Variants in CFAP57 observed in about 807,000 individuals in gnomAD.
The protein encoded by CFAP57 is cilia- and flagella-associated protein 57.
In CFAP57, 116 loss-of-function variants were observed where a neutral mutation model predicts 146.8. That is an observed-to-expected ratio of 0.79 (90% CI 0.68 to 0.92). The LOEUF (loss-of-function observed/expected upper bound fraction) is 0.92. Ranked by LOEUF, CFAP57 falls within the 40% of genes least tolerant of loss-of-function variation. The pLI is 0.00. For missense variants in CFAP57, 1,377 were observed against 1,527.2 expected, an observed-to-expected ratio of 0.90 and a Z score of 1.64; for synonymous variants, 518 against 552.8, an observed-to-expected ratio of 0.94 and a Z score of 0.88.
Position 43,210,420 on chromosome 1 carries a change from A to G in CFAP57, c.1929+504A>G, listed in dbSNP as rs150859229. 6.3e-5 allele frequency: 75 copies of G among 1,182,558 alleles called. No homozygotes were observed. In the East Asian group the frequency reaches 3.0e-3, roughly 47 times the overall value. 73.3% of individuals were successfully genotyped at this position (1,182,558 alleles called of 1,614,324 possible). A position where few individuals can be genotyped will look rare whatever the true frequency, so the allele number is the denominator to read the frequency against. On this transcript the variant is annotated intron_variant, in intron 11 of 22. Transcript: ENST00000372492. Reference sequence around the variant, plus strand: ...GTTCAACAGTCAAAATGTGGAAGCAACCAAGCATCCATCGACAGACGAATG... The same window carrying G: ...GTTCAACAGTCAAAATGTGGAAGCAGCCAAGCATCCATCGACAGACGAATG...
intron 18 of CFAP57, among the ~76,000 whole-genome samples, chr1:43,231,195 A>C (rs1472148882): frequency 6.6e-6 from 1 of 152,178 alleles, no homozygotes; most frequent in African/African-American, 2.4e-5. Context: ...TGCTTCCAGT[A>C]ATGAGGAAAA....
chr1:43,246,921 T>C (rs1017471469), intron 22 of CFAP57, among the ~76,000 whole-genome samples: 4 of 152,208 alleles, frequency 2.6e-5, no homozygotes, highest in Non-Finnish European at 5.9e-5. Context: ...GAAATTCTAA[T>C]CAATATAATT....
intron 9 of CFAP57, among the ~76,000 whole-genome samples, chr1:43,200,191 A>T (rs975838891): frequency 1.3e-5 from 2 of 152,204 alleles, no homozygotes; most frequent in Non-Finnish European, 2.9e-5. Context: ...ATGGATTCAA[A>T]TGATTTTAGA....
At chr1:43,225,254 G>A (rs1303012554) in intron 17 of CFAP57, among the ~76,000 whole-genome samples, 1 of 152,126 alleles carries the variant, frequency 6.6e-6, no homozygotes. Context: ...GTGCAATGCT[G>A]CCACTCTCCT....
In CFAP57 at chr1:43,201,625, C is replaced by CT. The variant is rs558063307; in HGVS notation, c.1542+2129dup. Among the ~76,000 whole-genome samples the CT allele has an allele frequency of 2.2e-3, 335 of 151,822 alleles. 1 individual carries two copies. Among genetic ancestry groups the CT allele is most frequent in the African/African-American group, 7.5e-3 (309 of 41,428 alleles). On this transcript the variant is annotated intron_variant, in intron 9 of 22. Transcript: ENST00000372492. This position sits in a 1 kb window ranked among gnomAD's most constrained non-coding sequence, Gnocchi z 4.4. ...CTCAGCCTCCCAAGTAACACAAACT[C>CT]TTTTTTTGAGACAGAGTTTCGCTTT...
intron 9 of CFAP57, among the ~76,000 whole-genome samples, chr1:43,203,384 T>C (rs2367190): frequency 0.18 from 27,281 of 151,778 alleles, 3,550 homozygotes; most frequent in African/African-American, 0.34. Flanking sequence ...CCAAAATAAT[T>C]GTGATACCAA....
In CFAP57 at chr1:43,198,517, A is replaced by T. The variant is rs902166450; in HGVS notation, c.1299A>T (p.Ala433=). 6.2e-7 allele frequency: 1 copy of T among 1,614,048 alleles called. No homozygotes were observed. The highest frequency in any genetic ancestry group is 1.3e-5 in the African/African-American group (1 of 74,946). ...TATTTAAGGAATACCAAGAAGAGGC[A>T]TATTCCATCAGCCTTCATCCATCTG... ...LELFKEYQEE[A]YSISLHPSGH... The change falls in exon 8 of 23, where the codon GCA becomes GCT. Residue 433 remains alanine, a synonymous_variant. Transcript: ENST00000372492.
Position 43,200,605 on chromosome 1 carries a change from A to T in CFAP57, c.1542+1102A>T, listed in dbSNP as rs141246233. On this transcript the variant is annotated intron_variant, in intron 9 of 22. Coordinates refer to ENST00000372492, the MANE Select transcript of CFAP57 (RefSeq NM_001378189.1). The stretch of plus-strand genomic sequence containing the variant: ...ATGATTAAGAGGGAGAGGCATAGAA[A>T]GGGTAAGAAGTCAGCAGATGAATTT... 3.2e-3 allele frequency among the ~76,000 whole-genome samples: 492 copies of T among 152,318 alleles called. 1 individual carries two copies. Among genetic ancestry groups the T allele is most frequent in the African/African-American group, 0.011 (458 of 41,566 alleles).
chr1:43,236,287 G>A (rs750208761), intron 21 of CFAP57, among the ~76,000 whole-genome samples: 2 of 152,028 alleles, frequency 1.3e-5, no homozygotes, highest in African/African-American at 2.4e-5. Flanking sequence ...GGGTCTCCGG[G>A]TCCCTACCCC....
chr1:43,232,323 A>AGGGGT (rs1645504931), intron 18 of CFAP57, among the ~76,000 whole-genome samples, 185 bp from the exon 19 acceptor site: 1 of 152,170 alleles, frequency 6.6e-6, no homozygotes, highest in Admixed American at 6.5e-5. Context: ...ATATCAGTCT[A>AGGGGT]GGGGTGGGGA....
chr1:43,228,421 A>G (rs1246400352), intron 18 of CFAP57, among the ~76,000 whole-genome samples: 2 of 150,168 alleles, frequency 1.3e-5, no homozygotes, highest in Admixed American at 1.3e-4. Context: ...ATCTTCTCTA[A>G]TTGTTTGTGC....
chr1:43,176,396 C>A (rs12402475), intron 2 of CFAP57, among the ~76,000 whole-genome samples: 10,407 of 152,118 alleles, frequency 0.068, 713 homozygotes, highest in East Asian at 0.29. Context: ...AAGGGTATTA[C>A]CGGTGAAGGG....
intron 3 of CFAP57, 49 bp from the exon 4 acceptor site, chr1:43,183,542 C>A: frequency 3.9e-6 from 6 of 1,519,426 alleles, no homozygotes; most frequent in South Asian, 1.1e-5. Context: ...ATAATTCCAT[C>A]AAGAATAGTT....
intron 11 of CFAP57, among the ~76,000 whole-genome samples, chr1:43,212,072 GCA>G (rs1200944540): frequency 2.6e-5 from 4 of 152,172 alleles, no homozygotes; most frequent in Non-Finnish European, 4.4e-5. Context: ...TTTAAAGATG[GCA>G]CAGAGTTCCC....
chr1:43,246,988 GTTC>G (rs1646135149), intron 22 of CFAP57, among the ~76,000 whole-genome samples: 1 of 152,154 alleles, frequency 6.6e-6, no homozygotes, highest in African/African-American at 2.4e-5. Context: ...CCATATCACA[GTTC>G]TTCTTCATTA....
intron 10 of CFAP57, among the ~76,000 whole-genome samples, chr1:43,209,300 T>C (rs1193760453): frequency 6.6e-6 from 1 of 152,192 alleles, no homozygotes; most frequent in Non-Finnish European, 1.5e-5. Flanking sequence ...AATGCACCCA[T>C]GCATAGCAGT....
At position 43,185,366 on chromosome 1, in the gene CFAP57, G is replaced by A. The variant is rs202232057; in HGVS notation, c.969+10G>A. ...GAGCAGAGAAATCAGGGTAAGGCGG[G>A]AAGAAAAAAAAGAAGTAAAATGGGG... On this transcript the variant is annotated intron_variant, in intron 5 of 22. Coordinates refer to ENST00000372492, the MANE Select transcript of CFAP57 (RefSeq NM_001378189.1). The A allele has an allele frequency of 5.6e-6, 9 of 1,613,212 alleles. No individual in the cohort carries two copies. The Admixed American group carries it at 1.2e-4, about 21-fold the overall frequency.
intron 22 of CFAP57, among the ~76,000 whole-genome samples, chr1:43,246,338 A>G (rs1289264225): frequency 6.6e-6 from 1 of 152,246 alleles, no homozygotes; most frequent in Non-Finnish European, 1.5e-5. Flanking sequence ...ATACAGACCA[A>G]TGAAATAGAA....
At chr1:43,183,555 A>G in intron 3 of CFAP57, 36 bp from the exon 4 acceptor site, 1 of 1,592,058 alleles carries the variant, frequency 6.3e-7, no homozygotes, top group Non-Finnish European at 8.6e-7. Context: ...GAATAGTTTC[A>G]TAAATTTTTT....
Sources: gnomAD v4.1 joint callset for allele counts (sites outside exome capture counted in the v4.1 genomes callset) on GRCh38, gnomAD v4.1.1 for gene constraint, Gnocchi (gnomAD v3.1) non-coding constraint, MANE v1.5 for transcripts, NCBI Gene and HGNC (gene_info 2026-07-23, HGNC 2026-07-21) for gene names.